The following F13A1 variants were observed in gnomAD, a reference collection of about 807,000 sequenced individuals.
F13A1 encodes the protein coagulation factor XIII A chain.
Under a neutral mutation model 80.1 loss-of-function variants are expected in F13A1, and 47 were observed. The observed-to-expected ratio is 0.59, with a 90% CI of 0.46 to 0.75. The LOEUF is 0.75. Ranked by LOEUF, F13A1 falls within the 30% of genes least tolerant of loss-of-function variation. The pLI is 0.00. For synonymous variants in F13A1, 349 were observed against 344.9 expected (o/e 1.01, Z -0.13); for missense variants, 817 against 930.4 (o/e 0.88, Z 1.59).
intron 11 of F13A1, among the ~76,000 whole-genome samples, chr6:6,178,059 G>A (rs1028893182): frequency 7.9e-6 from 1 of 126,052 alleles, no homozygotes. Context: ...GGGGGGGGTG[G>A]GGCTTTTAAG....
chr6:6,305,181 C>T, intron 3 of F13A1, 170 bp downstream of exon 3: 1 of 762,134 alleles, frequency 1.3e-6, no homozygotes, highest in Non-Finnish European at 2.3e-6. Flanking sequence ...CAATATTTGG[C>T]ACTATACAGA....
At chr6:6,259,534 G>A (rs1421044404) in intron 4 of F13A1, among the ~76,000 whole-genome samples, 1 of 152,172 alleles carries the variant, frequency 6.6e-6, no homozygotes, top group Non-Finnish European at 1.5e-5. Flanking sequence ...TTTGGTGTCA[G>A]ATGCTAAGAG....
intron 10 of F13A1, among the ~76,000 whole-genome samples, chr6:6,195,306 C>T (rs1370603346): frequency 6.6e-6 from 1 of 152,234 alleles, no homozygotes; most frequent in East Asian, 1.9e-4. Flanking sequence ...AACCCTCCCT[C>T]CCTGGCCACA....
chr6:6,200,138 C>T (rs1480799190), intron 8 of F13A1, among the ~76,000 whole-genome samples: 1 of 152,124 alleles, frequency 6.6e-6, no homozygotes, highest in Non-Finnish European at 1.5e-5. Flanking sequence ...GCATTTTTGT[C>T]TACACTTGTG....
At chr6:6,159,170 G>A (rs1285637873) in intron 13 of F13A1, among the ~76,000 whole-genome samples, 5 of 151,930 alleles carry the variant, frequency 3.3e-5, no homozygotes, top group Admixed American at 6.6e-5. Context: ...CAAAGTGCTG[G>A]GATTACAGGC....
chr6:6,253,969 G>T (rs779014193), intron 4 of F13A1, among the ~76,000 whole-genome samples: 3 of 152,086 alleles, frequency 2.0e-5, no homozygotes, highest in Admixed American at 6.5e-5. Flanking sequence ...TCTCCCTGAC[G>T]ATCTTTATTT....
chr6:6,171,182 A>AGGTAAT (rs1446804508), intron 12 of F13A1, among the ~76,000 whole-genome samples: 1 of 152,218 alleles, frequency 6.6e-6, no homozygotes, highest in East Asian at 1.9e-4. Context: ...GCTAGACTCC[A>AGGTAAT]GGTAATGGGA....
At position 6,174,681 on chromosome 6, in the gene F13A1, G is replaced by A; in HGVS notation, c.1646C>T (p.Thr549Ile). Residue 549 changes from threonine to isoleucine, a missense_variant, in exon 12 of 15, where the codon ACC (threonine) becomes ATC (isoleucine). Transcript: ENST00000264870. ...GTTGGCTGAGAGATAAGCTGTGATGGTGTAACGGTTGTGGCTGTTGTTCCG... is the reference window on the plus strand; with the variant it reads ...GTTGGCTGAGAGATAAGCTGTGATGATGTAACGGTTGTGGCTGTTGTTCCG... Reference protein sequence around the residue: ...TFRNNSHNRYTITAYLSANIT... With the variant: ...TFRNNSHNRYIITAYLSANIT... 1 of 1,614,212 alleles carries A rather than the reference G, an allele frequency of 6.2e-7. No homozygotes were observed. Among genetic ancestry groups the A allele is most frequent in the African/African-American group, 1.3e-5 (1 of 75,056 alleles).
chr6:6,195,398 T>A (rs1292620554), intron 10 of F13A1, among the ~76,000 whole-genome samples: 1 of 152,200 alleles, frequency 6.6e-6, no homozygotes, highest in Non-Finnish European at 1.5e-5. Context: ...GGATTTTGTC[T>A]TACCTGGATT....
At chr6:6,255,176 A>G (rs973095218) in intron 4 of F13A1, among the ~76,000 whole-genome samples, 8 of 152,096 alleles carry the variant, frequency 5.3e-5, no homozygotes, top group African/African-American at 1.7e-4. Context: ...CCGTTTAATG[A>G]TTATATTTAT....
At chr6:6,223,957 T>C (rs1467340493) in intron 7 of F13A1, among the ~76,000 whole-genome samples, 1 of 152,208 alleles carries the variant, frequency 6.6e-6, no homozygotes, top group Non-Finnish European at 1.5e-5. Context: ...GAAATAAATG[T>C]ATTTTTAAAA....
At chr6:6,296,226 C>T (rs987192915) in intron 3 of F13A1, among the ~76,000 whole-genome samples, 1,939 of 152,002 alleles carry the variant, frequency 0.013, 50 homozygotes, top group African/African-American at 0.044. Context: ...TTTGGCAATG[C>T]GGGCTCTTTT....
chr6:6,265,015 C>G (rs1345328698), intron 4 of F13A1, among the ~76,000 whole-genome samples: 2 of 152,174 alleles, frequency 1.3e-5, no homozygotes, highest in African/African-American at 2.4e-5. Context: ...AATCCCAACA[C>G]TTTGGGAGGC....
intron 8 of F13A1, among the ~76,000 whole-genome samples, chr6:6,215,661 T>G (rs9504712): frequency 1.3e-4 from 20 of 150,848 alleles, no homozygotes; most frequent in East Asian, 7.9e-4. Context: ...TTCAACATAG[T>G]GTTGGAAGTT....
chr6:6,199,646 G>A (rs990680319), intron 8 of F13A1, among the ~76,000 whole-genome samples: 2 of 152,128 alleles, frequency 1.3e-5, no homozygotes, highest in African/African-American at 2.4e-5. Flanking sequence ...CTATGATATA[G>A]GTAAGGATAA....
chr6:6,267,762 G>A (rs938091092), intron 3 of F13A1, among the ~76,000 whole-genome samples: 38 of 152,178 alleles, frequency 2.5e-4, no homozygotes, highest in African/African-American at 8.9e-4. Flanking sequence ...AGGGATGAAA[G>A]GAATTTTAAA....
chr6:6,266,831 A>T, intron 3 of F13A1, 22 bp from the exon 4 acceptor site: 1 of 1,613,786 alleles, frequency 6.2e-7, no homozygotes, highest in Non-Finnish European at 8.5e-7. Context: ...GAGAAGAAAT[A>T]CTCTGTTAGG....
intron 4 of F13A1, among the ~76,000 whole-genome samples, chr6:6,253,683 A>C (rs9379021): frequency 6.6e-6 from 1 of 152,024 alleles, no homozygotes; most frequent in Non-Finnish European, 1.5e-5. Flanking sequence ...GGTTCTTTTT[A>C]ATGTAGCATT....
rs149006933 is a variant in F13A1 at position 6,200,148 on chromosome 6, G to A, written c.1113-2822C>T. On this transcript the variant is annotated intron_variant, in intron 8 of 14. Transcript: ENST00000264870. ...AAGAGGCATTTTTGTCTACACTTGTGATGCTCTGGATTGGATGAAGCGGAG... is the reference window on the plus strand; with the variant it reads ...AAGAGGCATTTTTGTCTACACTTGTAATGCTCTGGATTGGATGAAGCGGAG... 7.4e-3 allele frequency among the ~76,000 whole-genome samples: 1,122 copies of A among 152,308 alleles called. 6 individuals are homozygous for A. Among genetic ancestry groups the A allele is most frequent in the Middle Eastern group, 0.041 (12 of 294 alleles).
Sources: allele counts gnomAD v4.1 joint callset (sites outside exome capture counted in the v4.1 genomes callset), GRCh38; gene constraint gnomAD v4.1.1; transcripts MANE v1.5; gene names NCBI Gene and HGNC (gene_info 2026-07-23, HGNC 2026-07-21).